Variants in LAMA1 observed in about 807,000 individuals in gnomAD.
LAMA1 encodes the protein laminin subunit alpha 1.
A neutral mutation model predicts 348.7 loss-of-function variants in LAMA1; 219 were observed. That is an observed-to-expected ratio of 0.63 (90% CI 0.56 to 0.70). The LOEUF (loss-of-function observed/expected upper bound fraction) is 0.70. Among genes scored for constraint, LAMA1 ranks in the 30% least tolerant of loss-of-function variants. LAMA1 has a pLI of 0.00. For missense variants in LAMA1, 3,744 were observed against 3,888.0 expected (o/e 0.96, Z 0.99); for synonymous variants, 1,487 against 1,491.0 (o/e 1.00, Z 0.06).
chr18:6,978,056 C>A, intron 43 of LAMA1, 140 bp downstream of exon 43: 2 of 1,324,480 alleles, frequency 1.5e-6, no homozygotes, highest in Non-Finnish European at 1.1e-6. Context: ...CAAGGTCCTT[C>A]TCTTAATAAA....
At chr18:7,008,081 T>C (rs2057841418) in intron 28 of LAMA1, among the ~76,000 whole-genome samples, 1 of 152,086 alleles carries the variant, frequency 6.6e-6, no homozygotes, top group Non-Finnish European at 1.5e-5. Flanking sequence ...TACAGGCATG[T>C]GCCATGCATA....
At chr18:7,109,587 T>C (rs746863924) in intron 1 of LAMA1, among the ~76,000 whole-genome samples, 3 of 152,094 alleles carry the variant, frequency 2.0e-5, no homozygotes, top group Admixed American at 1.3e-4. Flanking sequence ...AGGTTTTCAG[T>C]GGGAAACGGG....
At chr18:7,079,817 C>T (rs2058185445) in intron 3 of LAMA1, 158 bp downstream of exon 3, 3 of 658,416 alleles carry the variant, frequency 4.6e-6, no homozygotes, top group South Asian at 1.7e-5. Flanking sequence ...GAAATGGCAC[C>T]AGGGACTCCT....
At chr18:6,972,282 G>A (rs2057661903) in intron 47 of LAMA1, 1 of 382,514 alleles carries the variant, frequency 2.6e-6, no homozygotes, top group Admixed American at 3.8e-5. Flanking sequence ...TTGGTAGTGA[G>A]GGCCCAGCTG....
intron 1 of LAMA1, among the ~76,000 whole-genome samples, chr18:7,102,434 C>T (rs1260659901): frequency 6.6e-6 from 1 of 150,558 alleles, no homozygotes; most frequent in Non-Finnish European, 1.5e-5. Context: ...AAAAGAAAAA[C>T]CTCTACTATA....
Position 7,042,184 on chromosome 18 carries a change from C to T in LAMA1, c.1222G>A (p.Val408Ile). 4.3e-6 allele frequency: 7 copies of T among 1,612,906 alleles called. No individual in the cohort carries two copies. Among genetic ancestry groups the T allele is most frequent in the Non-Finnish European group, 5.9e-6 (7 of 1,179,364 alleles). Reference protein sequence around the residue: ...NCDPVGSLSSVCIKDDLHSDL... With the variant: ...NCDPVGSLSSICIKDDLHSDL... ...GAATGGAGGTCATCCTTAATACAGA[C>T]AGAACTGAGGGACCCCACAGGGTCA... Residue 408 changes from valine (V) to isoleucine (I), a missense_variant, in exon 9 of 63, where the codon GTC becomes ATC. Val to Ile is a conservative substitution (Grantham distance 29). Around this residue, in one of 3 missense-constraint regions of LAMA1, gnomAD observed 1,529 missense variants for 1,689.4 expected, o/e 0.91. Coordinates refer to ENST00000389658, the MANE Select transcript of LAMA1 (RefSeq NM_005559.4).
At chr18:7,078,940 T>A (rs887406779) in intron 3 of LAMA1, among the ~76,000 whole-genome samples, 1 of 152,030 alleles carries the variant, frequency 6.6e-6, no homozygotes, top group Non-Finnish European at 1.5e-5. Flanking sequence ...TGTGCCGAGA[T>A]CGCGCCACTG....
Position 7,007,178 on chromosome 18 carries a change from G to A in LAMA1, c.4221C>T (p.Asn1407=). ...VAPCVPCSCN[N]HSDTCDPNTG... ...TGTTGGGGTCACAGGTGTCACTGTG[G>A]TTGTTGCAACTGCAGGGAACACAAG... The change falls in exon 29 of 63, where the codon AAC becomes AAT. Residue 1407 remains asparagine, a synonymous_variant. Transcript: ENST00000389658. The A allele has an allele frequency of 6.2e-7, 1 of 1,614,148 alleles. No individual in the cohort carries two copies. Among genetic ancestry groups the A allele is most frequent in the Non-Finnish European group, 8.5e-7 (1 of 1,180,034 alleles).
At chr18:7,059,284 T>C (rs892552428) in intron 3 of LAMA1, among the ~76,000 whole-genome samples, 1 of 152,170 alleles carries the variant, frequency 6.6e-6, no homozygotes, top group African/African-American at 2.4e-5. Flanking sequence ...TTTCTCTGGA[T>C]TTAAGGTTGG....
chr18:6,982,985 T>C, intron 40 of LAMA1, 114 bp downstream of exon 40: 1 of 1,359,274 alleles, frequency 7.4e-7, no homozygotes, highest in Middle Eastern at 2.1e-4. Flanking sequence ...AGAAACAGAT[T>C]CCACCAGAAA....
rs1166332720 is a variant in LAMA1, at chr18:6,982,579, G to C, written c.5808C>G (p.Ser1936=). ...CGGCCGCTTTCCCGTTAGAAACAAG[G>C]GATTCTGAGAGCTGGAAAACAGAAC... is the stretch of plus-strand genomic sequence containing the variant. ...TVTETSLLSE[S]LVSNGKAAVQ... The change falls in exon 41 of 63, where the codon TCC becomes TCG. Residue 1936 remains serine, a synonymous_variant. Transcript: ENST00000389658. 4 of 1,614,098 alleles carry C rather than the reference G, an allele frequency of 2.5e-6. No individual in the cohort carries two copies. Among genetic ancestry groups the C allele is most frequent in the Non-Finnish European group, 3.4e-6 (4 of 1,179,998 alleles).
rs745708663 is a variant in LAMA1, at chr18:6,999,649, G to A, written c.4470-11C>T. On this transcript the variant is annotated splice_polypyrimidine_tract_variant and intron_variant, in intron 31 of 62. Coordinates refer to ENST00000389658, the MANE Select transcript of LAMA1 (RefSeq NM_005559.4). ...TAGCTTGAGGAGCACCTACAGAAAG[G>A]AAGGGACATAGGTGCAGACAGGATG... 15 of 1,603,434 alleles carry A rather than the reference G, an allele frequency of 9.4e-6. No individual in the cohort carries two copies. The highest frequency in any genetic ancestry group is 8.5e-5 in the Admixed American group (5 of 58,964).
chr18:7,000,047 T>C (rs1260358755), intron 30 of LAMA1, 50 bp from the exon 31 acceptor site: 1 of 1,362,006 alleles, frequency 7.3e-7, no homozygotes, highest in Non-Finnish European at 1.0e-6. Context: ...AATTTCCATC[T>C]TTCCTTAAGG....
At chr18:6,949,356 G>C in intron 58 of LAMA1, 97 bp from the exon 59 acceptor site, 2 of 1,207,158 alleles carry the variant, frequency 1.7e-6, no homozygotes, top group Non-Finnish European at 2.4e-6. Context: ...GTTTCTGAGA[G>C]CTATAACAAC....
Position 7,034,503 on chromosome 18 carries a change from T to C in LAMA1, c.2027A>G (p.Asn676Ser), listed in dbSNP as rs1274335199. The C allele has an allele frequency of 5.6e-6, 9 of 1,614,140 alleles. No individual in the cohort carries two copies. Among genetic ancestry groups the C allele is most frequent in the Admixed American group, 5.0e-5 (3 of 60,026 alleles). ...VTHLLIRANY[N>S]SAKMALYRLE... ...CCTGTAAAGAGCCATTTTTGCAGAA[T>C]TGTAGTTGGCTCTGATCAAAAGATG... Residue 676 changes from asparagine (N) to serine (S), a missense_variant, in exon 14 of 63, where the codon AAT (asparagine) becomes AGT (serine). Physicochemically the swap from Asn to Ser is conservative, Grantham distance 46 (BLOSUM62 1). Transcript: ENST00000389658.
intron 10 of LAMA1, among the ~76,000 whole-genome samples, chr18:7,039,358 T>G (rs2058010502): frequency 6.6e-6 from 1 of 152,174 alleles, no homozygotes; most frequent in Non-Finnish European, 1.5e-5. Flanking sequence ...ATAGGTACAA[T>G]GGAATGTCCT....
At position 7,026,120 on chromosome 18, in the gene LAMA1, C is replaced by G. The variant is rs1336118439; in HGVS notation, c.2275-14G>C. ...GTGCGCACACGCCTAGGAACATGCACCAGAAGAATCAGCTCAGGTTGTCTT... is the reference window on the plus strand; with the variant it reads ...GTGCGCACACGCCTAGGAACATGCAGCAGAAGAATCAGCTCAGGTTGTCTT... On this transcript the variant is annotated splice_polypyrimidine_tract_variant and intron_variant, in intron 16 of 62. Coordinates refer to ENST00000389658, the MANE Select transcript of LAMA1 (RefSeq NM_005559.4). The G allele has an allele frequency of 6.2e-6, 10 of 1,609,982 alleles. No homozygotes were observed. The highest frequency in any genetic ancestry group is 8.5e-6 in the Non-Finnish European group (10 of 1,177,920).
At chr18:7,065,366 CTA>C (rs1381824339) in intron 3 of LAMA1, among the ~76,000 whole-genome samples, 3 of 151,676 alleles carry the variant, frequency 2.0e-5, no homozygotes, top group African/African-American at 4.8e-5. Flanking sequence ...AAAAAATAGT[CTA>C]TTATTTTTTA....
intron 10 of LAMA1, 44 bp downstream of exon 10, chr18:7,040,032 A>T: frequency 6.2e-7 from 1 of 1,608,638 alleles, no homozygotes; most frequent in Non-Finnish European, 8.5e-7. Flanking sequence ...TTTTCCAGAG[A>T]AGCTCAAAGG....
Sources: gnomAD v4.1 joint callset for allele counts (sites outside exome capture counted in the v4.1 genomes callset) on GRCh38, gnomAD v4.1.1 for gene constraint, gnomAD v4.1.1 regional missense constraint, MANE v1.5 for transcripts, NCBI Gene and HGNC (gene_info 2026-07-23, HGNC 2026-07-21) for gene names.